The following NOX4 variants were observed in gnomAD, a reference collection of about 807,000 sequenced individuals.
The protein encoded by NOX4 is kidney oxidase-1.
Under a neutral mutation model 87.6 loss-of-function variants are expected in NOX4, and 69 were observed. The ratio of observed to expected loss-of-function variants is 0.79; its 90% CI spans 0.65 to 0.96. NOX4 has a LOEUF of 0.96. Ranked by LOEUF, NOX4 falls within the 40% of genes least tolerant of loss-of-function variation. The pLI is 0.00. For synonymous variants in NOX4, 275 were observed against 238.2 expected (o/e 1.15, Z -1.42); for missense variants, 680 against 681.5 (o/e 1.00, Z 0.02).
the NOX4 span, among the ~76,000 whole-genome samples, chr11:89,588,957 T>C: frequency 1.3e-5 from 2 of 152,152 alleles, no homozygotes; most frequent in African/African-American, 2.4e-5. Context: ...CTCTCAGTTA[T>C]CTTCCCTCTC....
chr11:89,559,831 T>C, the NOX4 span, among the ~76,000 whole-genome samples: 2 of 152,104 alleles, frequency 1.3e-5, no homozygotes, highest in Non-Finnish European at 2.9e-5. Flanking sequence ...GGCAGAAAAG[T>C]AATGCAGACA....
chr11:89,530,344 CTTTT>C, the NOX4 span, among the ~76,000 whole-genome samples: 4 of 127,820 alleles, frequency 3.1e-5, no homozygotes, highest in Non-Finnish European at 3.2e-5. Context: ...GATGTCTATT[CTTTT>C]TTTTTTTTTT....
At chr11:89,407,361 G>C (rs1942242922) in intron 8 of NOX4, among the ~76,000 whole-genome samples, 1 of 152,088 alleles carries the variant, frequency 6.6e-6, no homozygotes, top group Non-Finnish European at 1.5e-5. Context: ...GATGAGGAAA[G>C]GAGGTGCACA....
chr11:89,537,869 T>G, the NOX4 span, among the ~76,000 whole-genome samples: 7 of 152,174 alleles, frequency 4.6e-5, no homozygotes, highest in Non-Finnish European at 8.8e-5. Context: ...TGTCTGTTTT[T>G]CATCTCCAGC....
chr11:89,334,439 C>T (rs2135370679), intron 17 of NOX4, among the ~76,000 whole-genome samples: 1 of 151,890 alleles, frequency 6.6e-6, no homozygotes, highest in East Asian at 1.9e-4. Flanking sequence ...TGACTGTAAT[C>T]TGAATCACAT....
At chr11:89,388,283 C>A (rs1317959145) in intron 11 of NOX4, among the ~76,000 whole-genome samples, 2 of 152,144 alleles carry the variant, frequency 1.3e-5, no homozygotes, top group East Asian at 1.9e-4. Flanking sequence ...CACTCATTCA[C>A]CATTCTTCCA....
At chr11:89,541,348 C>T in the NOX4 span, among the ~76,000 whole-genome samples, 1 of 152,108 alleles carries the variant, frequency 6.6e-6, no homozygotes. Context: ...TTTCCCCAGC[C>T]TCCAATAATA....
At chr11:89,367,897 C>G (rs577246051) in intron 12 of NOX4, among the ~76,000 whole-genome samples, 1 of 152,140 alleles carries the variant, frequency 6.6e-6, no homozygotes, top group Admixed American at 6.6e-5. Flanking sequence ...CCCTTCTGAG[C>G]CATTCAAGCT....
At chr11:89,452,860 G>A (rs557236204) in intron 2 of NOX4, among the ~76,000 whole-genome samples, 2 of 152,044 alleles carry the variant, frequency 1.3e-5, no homozygotes, top group African/African-American at 2.4e-5. Flanking sequence ...GACTACAGAT[G>A]CATGCCATGT....
At chr11:89,588,214 A>C in the NOX4 span, among the ~76,000 whole-genome samples, 1 of 152,238 alleles carries the variant, frequency 6.6e-6, no homozygotes, top group Admixed American at 6.5e-5. Flanking sequence ...TGATTCAAAT[A>C]AAGTTATGTT....
chr11:89,441,156 G>A (rs968752501), intron 5 of NOX4, among the ~76,000 whole-genome samples: 4 of 152,140 alleles, frequency 2.6e-5, no homozygotes, highest in Non-Finnish European at 4.4e-5. Flanking sequence ...GGGGATTTGC[G>A]CATTGTAAGC....
the NOX4 span, chr11:89,577,528 C>T: frequency 6.6e-6 from 1 of 152,040 alleles, no homozygotes; most frequent in Non-Finnish European, 1.5e-5. Context: ...ACAAATAACC[C>T]AGAAAGATAA....
chr11:89,369,221 G>T (rs1331621160), intron 12 of NOX4, among the ~76,000 whole-genome samples: 1 of 152,038 alleles, frequency 6.6e-6, no homozygotes, highest in African/African-American at 2.4e-5. Flanking sequence ...GGTGAGGGAA[G>T]AAGTGAGAAG....
chr11:89,578,754 T>C, the NOX4 span, among the ~76,000 whole-genome samples: 1 of 152,172 alleles, frequency 6.6e-6, no homozygotes, highest in Admixed American at 6.5e-5. Flanking sequence ...TCAGATTTCA[T>C]AACTATTCCT....
intron 14 of NOX4, among the ~76,000 whole-genome samples, 177 bp downstream of exon 14, chr11:89,341,897 A>G (rs1302152748): frequency 6.6e-6 from 1 of 152,238 alleles, no homozygotes; most frequent in Non-Finnish European, 1.5e-5. Flanking sequence ...ATATGCTAGC[A>G]GCCACAGACC....
At position 89,326,810 on chromosome 11, in the gene NOX4, G is replaced by A. The variant is rs1362840758; in HGVS notation, c.1683C>T (p.Asn561=). 3.1e-6 allele frequency: 5 copies of A among 1,612,956 alleles called. No individual in the cohort carries two copies. Among genetic ancestry groups the A allele is most frequent in the African/African-American group, 1.3e-5 (1 of 74,842 alleles). ...SLSKTLHKLS[N]QNNSYGTRFE... is the part of the protein sequence containing the mutation. Reference sequence around the variant, plus strand: ...ATCTTGTCCCATATGAGTTGTTCTGGTTACTCAGTTTATGAAGAGTCTTGG... The same window carrying A: ...ATCTTGTCCCATATGAGTTGTTCTGATTACTCAGTTTATGAAGAGTCTTGG... The change falls in exon 18 of 18, where the codon AAC becomes AAT. Residue 561 remains asparagine (N), a synonymous_variant. Coordinates refer to ENST00000263317, the MANE Select transcript of NOX4 (RefSeq NM_016931.5).
chr11:89,491,161 C>T (rs1364119504), intron 1 of NOX4, 29 bp downstream of exon 1: 2 of 1,608,192 alleles, frequency 1.2e-6, no homozygotes, highest in Admixed American at 1.7e-5. Flanking sequence ...ACAGAGAGAA[C>T]GCAAGGAGAG....
chr11:89,432,719 T>C (rs1453826205), intron 7 of NOX4, 65 bp downstream of exon 7: 28 of 1,159,194 alleles, frequency 2.4e-5, no homozygotes, highest in Non-Finnish European at 3.2e-5. Context: ...AACATTTTGA[T>C]TACTCAAGAC....
chr11:89,566,135 C>T, the NOX4 span, among the ~76,000 whole-genome samples: 11 of 151,522 alleles, frequency 7.3e-5, 1 homozygote, highest in East Asian at 2.0e-4. Flanking sequence ...CTCTGCCTAC[C>T]GGGTTCACGC....
Sources: gnomAD v4.1 joint callset for allele counts (sites outside exome capture counted in the v4.1 genomes callset) on GRCh38, gnomAD v4.1.1 for gene constraint, MANE v1.5 for transcripts, NCBI Gene and HGNC (gene_info 2026-07-23, HGNC 2026-07-21) for gene names.